Variants in CEP43 observed in about 807,000 individuals in gnomAD.
The protein encoded by CEP43 is FGFR1 oncogene partner.
In CEP43, 36 loss-of-function variants were observed where a neutral mutation model predicts 52.6. The ratio of observed to expected loss-of-function variants is 0.68; its 90% CI spans 0.52 to 0.90. CEP43 has a LOEUF of 0.90. CEP43 is among the 40% of genes least tolerant of loss of function. The pLI is 0.00. For synonymous variants in CEP43, 192 were observed against 172.4 expected (o/e 1.11, Z -0.89); for missense variants, 506 against 472.8 (o/e 1.07, Z -0.65).
At chr6:167,024,279 T>C (rs1441748854) in intron 8 of CEP43, among the ~76,000 whole-genome samples, 1 of 152,160 alleles carries the variant, frequency 6.6e-6, no homozygotes, top group Non-Finnish European at 1.5e-5. Flanking sequence ...GAAATCTTTC[T>C]ATAAGAAAGT....
chr6:167,049,868 A>G lies in CEP43; in HGVS notation c.*9890A>G, dbSNP rs1780846615. 6.6e-6 allele frequency: 1 copy of G among 152,200 alleles called. No homozygotes were observed. 9.4% of individuals were successfully genotyped at this position (152,200 alleles called of 1,614,324 possible). On this transcript the variant is annotated 3_prime_UTR_variant, in exon 13 of 13. Coordinates refer to ENST00000366847, the MANE Select transcript of CEP43 (RefSeq NM_007045.4). ...TTCCAGTTTCTCCACATCATCACGA[A>G]TACTCCTTATTCTCTCTCTTTTTAG... is the stretch of plus-strand genomic sequence containing the variant.
rs148555545 is a variant in CEP43 at position 167,034,409 on chromosome 6, C to T, written c.1125+438C>T. ...GCAAGCCAGACTGGGCTAAAATCCA[C>T]AGGAGACAAGACAGTAGGCCATAAA... On this transcript the variant is annotated intron_variant, in intron 12 of 12. Transcript: ENST00000366847. 2.6e-3 allele frequency among the ~76,000 whole-genome samples: 403 copies of T among 152,308 alleles called. 3 individuals carry two copies. The highest frequency in any genetic ancestry group is 9.1e-3 in the African/African-American group (380 of 41,568).
rs1288026919 is a variant in CEP43, at chr6:167,044,025, T to C, written c.*4047T>C. On this transcript the variant is annotated 3_prime_UTR_variant, in exon 13 of 13. Coordinates refer to ENST00000366847, the MANE Select transcript of CEP43 (RefSeq NM_007045.4). ...CTTATAGGAGGCCCGGGAGAGCTGC[T>C]TTGCCCCTTCCAGCGTGTGAGGACA... The C allele has an allele frequency of 1.3e-5, 2 of 152,190 alleles. No individual in the cohort carries two copies. The highest frequency in any genetic ancestry group is 6.5e-5 in the Admixed American group (1 of 15,282). 9.4% of individuals were successfully genotyped at this position (152,190 alleles called of 1,614,324 possible). A position where few individuals can be genotyped will look rare whatever the true frequency, so the allele number is the denominator to read the frequency against.
At chr6:167,023,689 G>T (rs1419691634) in intron 8 of CEP43, among the ~76,000 whole-genome samples, 3 of 152,208 alleles carry the variant, frequency 2.0e-5, no homozygotes, top group African/African-American at 7.2e-5. Context: ...CGCACCTTGA[G>T]GCCAGAGCAG....
At chr6:167,017,943 T>C (rs1474225002) in intron 7 of CEP43, among the ~76,000 whole-genome samples, 1 of 152,218 alleles carries the variant, frequency 6.6e-6, no homozygotes, top group South Asian at 2.1e-4. Flanking sequence ...TAATGTAATA[T>C]AAGTACCAAT....
intron 7 of CEP43, among the ~76,000 whole-genome samples, chr6:167,021,154 C>G (rs1411904779): frequency 6.6e-6 from 1 of 151,514 alleles, no homozygotes; most frequent in Admixed American, 6.6e-5. Context: ...AGTGCTTTTT[C>G]TATTATTCCA....
Position 167,026,584 on chromosome 6 carries a change from G to T in CEP43, c.957G>T (p.Leu319Phe). The T allele has an allele frequency of 6.3e-7, 1 of 1,599,864 alleles. No homozygotes were observed. Among genetic ancestry groups the T allele is most frequent in the South Asian group, 1.1e-5 (1 of 90,742 alleles). Residue 319 changes from leucine to phenylalanine, a missense_variant, in exon 10 of 13, where the codon TTG becomes TTT. Leu to Phe is a conservative substitution (Grantham distance 22). Coordinates refer to ENST00000366847, the MANE Select transcript of CEP43 (RefSeq NM_007045.4). ...ATACAGTTTTGAAAGATCTGAAATT[G>T]ATCAGTGATAAAATTGGATCACTTG... ...RGNTVLKDLK[L>F]ISDKIGSLGL... is the part of the protein sequence containing the mutation.
chr6:167,012,179 C>T (rs1265199405), intron 6 of CEP43, among the ~76,000 whole-genome samples: 1 of 152,200 alleles, frequency 6.6e-6, no homozygotes, highest in Non-Finnish European at 1.5e-5. Context: ...TGTCTAGGCA[C>T]AGAACATTGC....
At position 167,022,289 on chromosome 6, in the gene CEP43, C is replaced by CACAT. The variant is rs1554275458; in HGVS notation, c.580-117_580-116insTACA. On this transcript the variant is annotated intron_variant, in intron 7 of 12. Transcript: ENST00000366847. Reference sequence around the variant, plus strand: ...ACACACACACACACACACACACACACACACACAAAGGTTGCACACACACAG... The same window carrying CACAT: ...ACACACACACACACACACACACACACACATACACACAAAGGTTGCACACACACAG... The CACAT allele has an allele frequency of 9.0e-6, 6 of 664,544 alleles. No individual in the cohort carries two copies. In the African/African-American group the frequency reaches 9.7e-5, roughly 11 times the overall value. 41.2% of individuals were successfully genotyped at this position (664,544 alleles called of 1,614,324 possible).
intron 7 of CEP43, among the ~76,000 whole-genome samples, chr6:167,016,996 T>A (rs1040656144): frequency 1.3e-5 from 2 of 150,768 alleles, no homozygotes; most frequent in Non-Finnish European, 2.9e-5. Flanking sequence ...ATTTATTTTT[T>A]TTTTTTTTTA....
rs752436300 is a variant in CEP43, at chr6:167,049,606, A to G, written c.*9628A>G. ...GGGATTGACCACACTTTATCCATTCATTGGTTGATGGACATTTGGGTTGTT... is the reference window on the plus strand; with the variant it reads ...GGGATTGACCACACTTTATCCATTCGTTGGTTGATGGACATTTGGGTTGTT... On this transcript the variant is annotated 3_prime_UTR_variant, in exon 13 of 13. Transcript: ENST00000366847. 25 of 152,302 alleles carry G rather than the reference A, an allele frequency of 1.6e-4. No individual in the cohort carries two copies. Among genetic ancestry groups the G allele is most frequent in the Non-Finnish European group, 2.6e-4 (18 of 68,028 alleles). The allele number at this position is 152,302 out of a possible 1,614,324, so 9.4% of individuals were successfully genotyped here. A position where few individuals can be genotyped will look rare whatever the true frequency, so the allele number is the denominator to read the frequency against.
chr6:167,026,358 C>T (rs909331703), intron 9 of CEP43, among the ~76,000 whole-genome samples, 189 bp from the exon 10 acceptor site: 6 of 151,906 alleles, frequency 3.9e-5, no homozygotes, highest in Admixed American at 2.6e-4. Flanking sequence ...GATGAGACTC[C>T]GTCTCAAAAA....
At chr6:167,008,208 G>A (rs375862303) in intron 5 of CEP43, among the ~76,000 whole-genome samples, 2 of 149,966 alleles carry the variant, frequency 1.3e-5, no homozygotes, top group Non-Finnish European at 3.0e-5. Flanking sequence ...GTGTTTTTTC[G>A]CCTTCTCTTA....
At chr6:167,027,469 C>A (rs997625033) in intron 10 of CEP43, among the ~76,000 whole-genome samples, 1 of 123,526 alleles carries the variant, frequency 8.1e-6, no homozygotes, top group Non-Finnish European at 1.9e-5. Flanking sequence ...GGTCTGTAAT[C>A]ACTCACATGG....
In CEP43 at chr6:167,003,203, CT is replaced by C; in HGVS notation, c.170del (p.Leu57Ter). 6.8e-7 allele frequency: 1 copy of C among 1,465,444 alleles called. No individual in the cohort carries two copies. The highest frequency in any genetic ancestry group is 1.4e-5 in the African/African-American group (1 of 69,160). 90.8% of individuals were successfully genotyped at this position (1,465,444 alleles called of 1,614,324 possible). A position where few individuals can be genotyped will look rare whatever the true frequency, so the allele number is the denominator to read the frequency against. The stretch of plus-strand genomic sequence containing the variant: ...TTTTTTTTTTAACAGAACAAAACTC[CT>C]TTAGTTAATGAGAGCCTGAAAAAGT... The part of the protein sequence containing the change: ...EEQEKVENKT[P>X]LVNESLKKFL... On this transcript the variant is annotated frameshift_variant, in exon 3 of 13. Coordinates refer to ENST00000366847, the MANE Select transcript of CEP43 (RefSeq NM_007045.4). LOFTEE classifies it high-confidence loss of function.
At chr6:167,000,204 C>G in intron 2 of CEP43, 91 bp downstream of exon 2, 1 of 971,976 alleles carries the variant, frequency 1.0e-6, no homozygotes, top group Non-Finnish European at 1.6e-6. Flanking sequence ...TTTATAGTAA[C>G]ATATAGCTAG....
At chr6:167,035,956 A>T (rs776486691) in intron 12 of CEP43, 55 of 621,788 alleles carry the variant, frequency 8.8e-5, no homozygotes, top group Non-Finnish European at 1.0e-4. Flanking sequence ...TGTAAAGCAT[A>T]TAGCTCAGTG....
At chr6:167,016,244 T>C (rs1249536627) in intron 7 of CEP43, among the ~76,000 whole-genome samples, 1 of 152,228 alleles carries the variant, frequency 6.6e-6, no homozygotes, top group Non-Finnish European at 1.5e-5. Context: ...TCCTTTCTTC[T>C]TACAAATAGT....
chr6:167,030,037 C>T (rs1028625365), intron 10 of CEP43, among the ~76,000 whole-genome samples: 4 of 152,212 alleles, frequency 2.6e-5, no homozygotes, highest in African/African-American at 9.6e-5. Context: ...GGAATGTCAT[C>T]AGTTAAGGCT....
Sources: gnomAD v4.1 joint callset for allele counts (sites outside exome capture counted in the v4.1 genomes callset) on GRCh38, gnomAD v4.1.1 for gene constraint, MANE v1.5 for transcripts, NCBI Gene and HGNC (gene_info 2026-07-23, HGNC 2026-07-21) for gene names.